The following TMEM132D variants were observed in gnomAD, a reference collection of about 807,000 sequenced individuals.
TMEM132D encodes transmembrane protein 132D.
In TMEM132D, 21 loss-of-function variants were observed where a neutral mutation model predicts 62.3. The ratio of observed to expected loss-of-function variants is 0.34; its 90% CI spans 0.24 to 0.49. The LOEUF is 0.49. Ranked by LOEUF, TMEM132D falls within the 20% of genes least tolerant of loss-of-function variation. The pLI is 0.99. For missense variants in TMEM132D, 1,346 were observed against 1,402.8 expected (o/e 0.96, Z 0.65); for synonymous variants, 621 against 575.6 (o/e 1.08, Z -1.13).
intron 3 of TMEM132D, among the ~76,000 whole-genome samples, chr12:129,421,994 T>C (rs1044799700): frequency 2.6e-5 from 4 of 152,088 alleles, no homozygotes; most frequent in South Asian, 4.2e-4. Flanking sequence ...CCTTCTCCTG[T>C]GCCTTCGCGG....
chr12:129,148,721 G>T (rs12578694), intron 5 of TMEM132D, among the ~76,000 whole-genome samples: 6 of 152,184 alleles, frequency 3.9e-5, no homozygotes, highest in Admixed American at 2.0e-4. Flanking sequence ...TGAACACACC[G>T]ACTTCAGTGG....
chr12:129,631,628 A>G (rs149127538), intron 2 of TMEM132D, among the ~76,000 whole-genome samples: 5 of 152,330 alleles, frequency 3.3e-5, no homozygotes, highest in Non-Finnish European at 7.4e-5. Context: ...GAATCACATG[A>G]CTGATGATCC....
At chr12:129,268,371 G>A (rs930710560) in intron 4 of TMEM132D, among the ~76,000 whole-genome samples, 61 of 152,190 alleles carry the variant, frequency 4.0e-4, no homozygotes, top group Non-Finnish European at 6.5e-4. Flanking sequence ...AAAAATGGGC[G>A]AAGGACATGA....
chr12:129,145,661 G>A (rs1003837374), intron 5 of TMEM132D, among the ~76,000 whole-genome samples: 36 of 152,118 alleles, frequency 2.4e-4, no homozygotes, highest in African/African-American at 3.6e-4. Context: ...AAAGACATTC[G>A]TTTCCAAATC....
intron 1 of TMEM132D, among the ~76,000 whole-genome samples, chr12:129,792,840 C>G (rs1871440871): frequency 6.6e-6 from 1 of 152,020 alleles, no homozygotes; most frequent in Non-Finnish European, 1.5e-5. Flanking sequence ...CTGACTACAC[C>G]TATAACTATT....
chr12:129,087,722 C>T (rs940512543), intron 5 of TMEM132D, among the ~76,000 whole-genome samples: 1 of 152,210 alleles, frequency 6.6e-6, no homozygotes, highest in African/African-American at 2.4e-5. Flanking sequence ...AGACTTTCGG[C>T]CTTCAGAACT....
chr12:129,390,088 C>T (rs534334238), intron 3 of TMEM132D, among the ~76,000 whole-genome samples: 6 of 152,290 alleles, frequency 3.9e-5, no homozygotes, highest in Admixed American at 6.5e-5. Context: ...CAGGGATTGT[C>T]GCTGTTGTGT....
rs867275660 is a variant in TMEM132D, at chr12:129,899,296, G to C, written c.79+3965C>G. On this transcript the variant is annotated intron_variant, in intron 1 of 8. Coordinates refer to ENST00000422113, the MANE Select transcript of TMEM132D (RefSeq NM_133448.3). ...GGATGGATGCATGGATGGATGGATGGATGCATGCATGGATGGATGGATGGA... is the reference window on the plus strand; with the variant it reads ...GGATGGATGCATGGATGGATGGATGCATGCATGCATGGATGGATGGATGGA... Among the ~76,000 whole-genome samples the C allele has an allele frequency of 5.5e-5, 6 of 109,460 alleles. 1 individual carries two copies. Among genetic ancestry groups the C allele is most frequent in the African/African-American group, 2.0e-4 (6 of 29,970 alleles). The allele number at this position is 109,460 out of a possible 152,430, so 71.8% of individuals were successfully genotyped here. A position where few individuals can be genotyped will look rare whatever the true frequency, so the allele number is the denominator to read the frequency against.
rs962192792 is a variant in TMEM132D, at chr12:129,371,450, A to G, written c.1116-33633T>C. ...TGGAGATGATGATGATGTGATATTG[A>G]TGATGGTGGTAATGACGATGATGAT... On this transcript the variant is annotated intron_variant, in intron 3 of 8. Coordinates refer to ENST00000422113, the MANE Select transcript of TMEM132D (RefSeq NM_133448.3). The surrounding 1 kb of genome is among the most constrained non-coding windows in gnomAD (Gnocchi z 4.3). Among the ~76,000 whole-genome samples, 5 of 151,830 alleles carry G rather than the reference A, an allele frequency of 3.3e-5. No individual in the cohort carries two copies. Among genetic ancestry groups the G allele is most frequent in the African/African-American group, 1.2e-4 (5 of 41,300 alleles).
intron 7 of TMEM132D, 109 bp from the exon 8 acceptor site, chr12:129,078,834 G>T: frequency 2.7e-6 from 3 of 1,127,316 alleles, no homozygotes; most frequent in Admixed American, 2.0e-5. Context: ...CAACATGTGA[G>T]CCAGAATGAA....
intron 3 of TMEM132D, among the ~76,000 whole-genome samples, chr12:129,396,492 T>C (rs1871437414): frequency 6.6e-6 from 1 of 152,192 alleles, no homozygotes; most frequent in Admixed American, 6.5e-5. Context: ...CTACTTCCTC[T>C]TTTCCTTTCC....
At chr12:129,425,521 G>A (rs1222145956) in intron 3 of TMEM132D, among the ~76,000 whole-genome samples, 1 of 151,506 alleles carries the variant, frequency 6.6e-6, no homozygotes, top group Admixed American at 6.6e-5. Context: ...AAAACATCTT[G>A]GAAACACAAT....
At chr12:129,473,316 T>C (rs1372465207) in intron 3 of TMEM132D, among the ~76,000 whole-genome samples, 5 of 125,632 alleles carry the variant, frequency 4.0e-5, no homozygotes, top group Admixed American at 9.6e-5. Flanking sequence ...AAAGTGATTT[T>C]AGTTTTTGTT....
At chr12:129,153,338 G>A (rs1401131059) in intron 5 of TMEM132D, among the ~76,000 whole-genome samples, 3 of 152,126 alleles carry the variant, frequency 2.0e-5, no homozygotes, top group Admixed American at 2.0e-4. Flanking sequence ...TAAATGTGGT[G>A]TTGGCTCACG....
At chr12:129,183,581 G>A (rs1029961068) in intron 5 of TMEM132D, among the ~76,000 whole-genome samples, 2 of 152,326 alleles carry the variant, frequency 1.3e-5, no homozygotes, top group Admixed American at 6.5e-5. Flanking sequence ...TCAGCCACAC[G>A]GGACTTGTTT....
chr12:129,678,020 C>T (rs138301572), intron 2 of TMEM132D, among the ~76,000 whole-genome samples: 4 of 152,228 alleles, frequency 2.6e-5, no homozygotes, highest in African/African-American at 9.6e-5. Flanking sequence ...TTTTCACAAA[C>T]ATGTAAGAAT....
intron 1 of TMEM132D, among the ~76,000 whole-genome samples, chr12:129,776,788 C>CAAAAAAAAAAAAAAAAAAAAAAA (rs148740560): frequency 1.5e-5 from 1 of 68,462 alleles, no homozygotes; most frequent in African/African-American, 4.3e-5. Flanking sequence ...TAATGGGCTT[C>CAAAAAAAAAAAAAAAAAAAAAAA]AAAAAAAAAA....
At chr12:129,309,786 A>G (rs1364464479) in intron 4 of TMEM132D, among the ~76,000 whole-genome samples, 1 of 152,142 alleles carries the variant, frequency 6.6e-6, no homozygotes, top group East Asian at 1.9e-4. Context: ...GAAGTTGAAT[A>G]AGTGTGGGTG....
chr12:129,101,437 C>T (rs1335363580), intron 5 of TMEM132D, among the ~76,000 whole-genome samples: 1 of 152,108 alleles, frequency 6.6e-6, no homozygotes, highest in African/African-American at 2.4e-5. Flanking sequence ...CCCCACCATT[C>T]CCTCTTGTCT....
Sources: allele counts gnomAD v4.1 joint callset (sites outside exome capture counted in the v4.1 genomes callset), GRCh38; gene constraint gnomAD v4.1.1; non-coding constraint Gnocchi (gnomAD v3.1); transcripts MANE v1.5; gene names NCBI Gene and HGNC (gene_info 2026-07-23, HGNC 2026-07-21).